The following RGS12 variants were observed in gnomAD, a reference collection of about 807,000 sequenced individuals.
RGS12 encodes regulator of G-protein signaling 12.
A neutral mutation model predicts 120.1 loss-of-function variants in RGS12; 66 were observed. The observed-to-expected ratio is 0.55, with a 90% CI of 0.45 to 0.67. The LOEUF is 0.67. RGS12 is among the 30% of genes least tolerant of loss of function. RGS12 has a pLI of 0.00. For missense variants in RGS12, 1,859 were observed against 1,957.7 expected (o/e 0.95, Z 0.95); for synonymous variants, 827 against 804.7 (o/e 1.03, Z -0.47).
intron 4 of RGS12, among the ~76,000 whole-genome samples, chr4:3,388,406 T>G (rs963679256): frequency 1.3e-5 from 2 of 152,250 alleles, no homozygotes; most frequent in African/African-American, 4.8e-5. Flanking sequence ...AGTTATCTTG[T>G]TTAATGTGCA....
At chr4:3,430,036 C>T (rs1201402218) in intron 16 of RGS12, among the ~76,000 whole-genome samples, 1 of 152,204 alleles carries the variant, frequency 6.6e-6, no homozygotes, top group African/African-American at 2.4e-5. Context: ...GGGGCCAGTC[C>T]TCAGAGGGCC....
intron 3 of RGS12, among the ~76,000 whole-genome samples, chr4:3,362,457 CGAGGGTGTGTGT>C (rs1240677437): frequency 3.4e-5 from 4 of 117,694 alleles, no homozygotes; most frequent in African/African-American, 9.9e-5. Flanking sequence ...TGTGAGGGTG[CGAGGGTGTGTGT>C]GAGGGTGTGT....
At chr4:3,412,441 C>T (rs1721840619) in intron 4 of RGS12, among the ~76,000 whole-genome samples, 1 of 152,264 alleles carries the variant, frequency 6.6e-6, no homozygotes, top group Non-Finnish European at 1.5e-5. Context: ...CTGACCCCCT[C>T]CTGGTCTCTT....
chr4:3,301,674 G>A (rs370942614), intron 1 of RGS12, among the ~76,000 whole-genome samples: 10 of 149,734 alleles, frequency 6.7e-5, no homozygotes, highest in East Asian at 3.9e-4. Flanking sequence ...GGGATGGAGA[G>A]TGAGGCCGGG....
At chr4:3,298,233 G>A (rs1723487073) in intron 1 of RGS12, among the ~76,000 whole-genome samples, 1 of 152,186 alleles carries the variant, frequency 6.6e-6, no homozygotes, top group Non-Finnish European at 1.5e-5. Context: ...AAATTTCAAA[G>A]ATAATTTTCT....
In RGS12 at chr4:3,334,832, A is replaced by T. The variant is rs144647249; in HGVS notation, c.1882-8105A>T. ...ATTGTTCTGACAGCTCAAGAAGAAGATCAGGCAGATGCGGGTCACTGATGT... is the reference window on the plus strand; with the variant it reads ...ATTGTTCTGACAGCTCAAGAAGAAGTTCAGGCAGATGCGGGTCACTGATGT... On this transcript the variant is annotated intron_variant, in intron 2 of 17. Transcript: ENST00000336727. 2.4e-4 allele frequency among the ~76,000 whole-genome samples: 37 copies of T among 152,264 alleles called. 1 individual carries two copies. The South Asian group carries it at 3.5e-3, about 15-fold the overall frequency.
intron 3 of RGS12, among the ~76,000 whole-genome samples, chr4:3,359,533 G>T (rs1452964037): frequency 7.0e-6 from 1 of 143,406 alleles, no homozygotes; most frequent in Non-Finnish European, 1.5e-5. Context: ...CAGGTCCAGG[G>T]CTTTCCTTTA....
Position 3,374,307 on chromosome 4 carries a change from C to A in RGS12, c.1999-12109C>A, listed in dbSNP as rs79337091. On this transcript the variant is annotated intron_variant, in intron 3 of 17. Coordinates refer to ENST00000336727, the MANE Select transcript of RGS12 (RefSeq NM_001394154.1). The surrounding 1 kb of genome is among the most constrained non-coding windows in gnomAD (Gnocchi z 6.3). ...CCCTCCGGGTTCCCCTCCTCTCCTC[C>A]GACTCCACTGGCTTTTCACCACTGT... 0.018 allele frequency among the ~76,000 whole-genome samples: 2,737 copies of A among 152,314 alleles called. 68 individuals carry two copies. The highest frequency in any genetic ancestry group is 0.059 in the African/African-American group (2,454 of 41,568).
Position 3,433,776 on chromosome 4 carries a change from G to C in RGS12, c.4114+2821G>C, listed in dbSNP as rs972000091. Reference sequence around the variant, plus strand: ...CGCCACGCGGCACTCCACCCCGTCTGTCTAGCCCCAGCACCACGCACCGAG... The same window carrying C: ...CGCCACGCGGCACTCCACCCCGTCTCTCTAGCCCCAGCACCACGCACCGAG... On this transcript the variant is annotated intron_variant, in intron 17 of 17. Coordinates refer to ENST00000336727, the MANE Select transcript of RGS12 (RefSeq NM_001394154.1). The surrounding 1 kb of genome is among the most constrained non-coding windows in gnomAD (Gnocchi z 4.4). 6.6e-6 allele frequency among the ~76,000 whole-genome samples: 1 copy of C among 151,246 alleles called. No homozygotes were observed. The highest frequency in any genetic ancestry group is 2.1e-4 in the South Asian group (1 of 4,754).
At chr4:3,438,292 G>A (rs1247390663) in intron 17 of RGS12, among the ~76,000 whole-genome samples, 2 of 152,072 alleles carry the variant, frequency 1.3e-5, no homozygotes, top group African/African-American at 4.8e-5. Flanking sequence ...CCCTGCCTAG[G>A]AGACACGCTA....
intron 2 of RGS12, among the ~76,000 whole-genome samples, chr4:3,330,270 A>G (rs1330220250): frequency 2.0e-5 from 3 of 152,196 alleles, no homozygotes; most frequent in African/African-American, 7.2e-5. Flanking sequence ...TAGACACACC[A>G]AGTACATCCC....
chr4:3,294,648 C>T (rs939403042), intron 1 of RGS12, among the ~76,000 whole-genome samples: 13 of 152,218 alleles, frequency 8.5e-5, no homozygotes, highest in African/African-American at 2.2e-4. Context: ...AGTGGGGTGG[C>T]TGAGCCTGCA....
At chr4:3,420,080 AGAATATAGTTAGTT>A (rs1722838482) in intron 9 of RGS12, among the ~76,000 whole-genome samples, 1 of 152,216 alleles carries the variant, frequency 6.6e-6, no homozygotes, top group South Asian at 2.1e-4. Context: ...GGTTAGCCTA[AGAATATAGTTAGTT>A]GAGGTTGGTG....
rs1713325343 is a variant in RGS12, at chr4:3,342,387, G to A, written c.1882-550G>A. The A allele has an allele frequency of 2.4e-6, 3 of 1,230,978 alleles. No homozygotes were observed. The Admixed American group carries it at 8.5e-5, about 35-fold the overall frequency. The allele number at this position is 1,230,978 out of a possible 1,614,324, so 76.3% of individuals were successfully genotyped here. On this transcript the variant is annotated intron_variant, in intron 2 of 17. Transcript: ENST00000336727. ...GAATTAATTCTGGTCATTTCCTGGA[G>A]GAGGAGAGACAGGATGTTTTAATAG... is the stretch of plus-strand genomic sequence containing the variant.
intron 4 of RGS12, among the ~76,000 whole-genome samples, chr4:3,392,917 G>A (rs569160635): frequency 2.0e-5 from 3 of 152,348 alleles, no homozygotes; most frequent in African/African-American, 4.8e-5. Flanking sequence ...GAACTCAGGA[G>A]GCAGAGGTTG....
At position 3,422,990 on chromosome 4, in the gene RGS12, A is replaced by G. The variant is rs759275048; in HGVS notation, c.3107+12A>G. On this transcript the variant is annotated intron_variant, in intron 12 of 17. Transcript: ENST00000336727. ...CGCACCTTGTTTCGGTAAGAGGAAG[A>G]TCGCTGTCATTCACCTGAGGCTCCC... 3.7e-6 allele frequency: 6 copies of G among 1,610,292 alleles called. No individual in the cohort carries two copies. The highest frequency in any genetic ancestry group is 2.7e-5 in the African/African-American group (2 of 74,810).
chr4:3,353,504 A>G (rs377462620), intron 3 of RGS12, among the ~76,000 whole-genome samples: 1 of 152,266 alleles, frequency 6.6e-6, no homozygotes, highest in South Asian at 2.1e-4. Flanking sequence ...GACAGGGACT[A>G]CCACTTTCAC....
At chr4:3,388,498 A>G (rs1278090042) in intron 4 of RGS12, among the ~76,000 whole-genome samples, 1 of 152,230 alleles carries the variant, frequency 6.6e-6, no homozygotes, top group Non-Finnish European at 1.5e-5. Context: ...AGCAGCTCAC[A>G]GTAGTCTGCA....
At chr4:3,296,695 A>G (rs1723402251) in intron 1 of RGS12, among the ~76,000 whole-genome samples, 1 of 152,188 alleles carries the variant, frequency 6.6e-6, no homozygotes, top group Admixed American at 6.5e-5. Context: ...ATTGTGTGCG[A>G]GGAGCACCCG....
Sources: gnomAD v4.1 joint callset for allele counts (sites outside exome capture counted in the v4.1 genomes callset) on GRCh38, gnomAD v4.1.1 for gene constraint, Gnocchi (gnomAD v3.1) non-coding constraint, MANE v1.5 for transcripts, NCBI Gene and HGNC (gene_info 2026-07-23, HGNC 2026-07-21) for gene names.